TICRR: variants seen among roughly 807,000 people sequenced by gnomAD.
TICRR encodes the protein treslin.
TICRR carries 132 observed loss-of-function variants against 178.1 expected under a neutral mutation model. That is an observed-to-expected ratio of 0.74 (90% confidence interval 0.64 to 0.86). The LOEUF is 0.86. Ranked by LOEUF, TICRR falls within the 40% of genes least tolerant of loss-of-function variation. The pLI, the probability that TICRR is intolerant of heterozygous loss-of-function variation, is 0.00. For missense variants in TICRR, 2,587 were observed against 2,334.3 expected (o/e 1.11, Z -2.23); for synonymous variants, 991 against 900.7 (o/e 1.10, Z -1.79).
rs200018187 is a variant in TICRR at position 89,585,859 on chromosome 15, G to A, written c.1328G>A (p.Arg443Gln). ...CAAACAGCTGTGGCTGACAGCCCCC[G>A]GGACACAGCTTCCCTTTTCTCAGAT... is the stretch of plus-strand genomic sequence containing the variant. Reference protein sequence around the residue: ...VLQTAVADSPRDTASLFSDVV... With the variant: ...VLQTAVADSPQDTASLFSDVV... Residue 443 changes from arginine to glutamine, a missense_variant, in exon 4 of 22, where the codon CGG (arginine) becomes CAG (glutamine). Transcript: ENST00000268138. 76 of 1,614,060 alleles carry A rather than the reference G, an allele frequency of 4.7e-5. No homozygotes were observed. In the East Asian group the frequency reaches 1.1e-3, roughly 24 times the overall value.
rs143738923 is a variant in TICRR, at chr15:89,624,921, G to A, written c.4611G>A (p.Ser1537=). 146 of 1,614,034 alleles carry A rather than the reference G, an allele frequency of 9.0e-5. No homozygotes were observed. In the African/African-American group the frequency reaches 1.6e-3, roughly 18 times the overall value. The part of the protein sequence containing the change: ...CTTDGRQCQA[S]AQLDNLPASA... ...CAGATGGGAGACAGTGCCAGGCTTC[G>A]GCACAACTAGACAACCTGCCAGCAT... The change falls in exon 20 of 22, where the codon TCG becomes TCA. Residue 1537 remains serine, a synonymous_variant. Transcript: ENST00000268138.
chr15:89,597,112 CAA>C (rs779861468), intron 7 of TICRR, among the ~76,000 whole-genome samples: 17 of 152,098 alleles, frequency 1.1e-4, no homozygotes, highest in Non-Finnish European at 2.4e-4. Context: ...GTCTGTACAT[CAA>C]GTTTATTAAT....
intron 17 of TICRR, among the ~76,000 whole-genome samples, chr15:89,619,221 C>CTTCT (rs1555422132): frequency 5.4e-5 from 6 of 112,006 alleles, no homozygotes; most frequent in Admixed American, 1.0e-4. Flanking sequence ...CACCATTCTT[C>CTTCT]TTTTTTTTTT....
chr15:89,592,110 T>C lies in TICRR; in HGVS notation c.1475T>C (p.Val492Ala). 4 of 1,612,678 alleles carry C rather than the reference T, an allele frequency of 2.5e-6. No individual in the cohort carries two copies. The highest frequency in any genetic ancestry group is 1.7e-5 in the Admixed American group (1 of 60,020). ...CACACCACTCCCTGGAGTCCAGCTGTTGTGGAAAAGTGGTTTCCTTTCTGT... is the reference window on the plus strand; with the variant it reads ...CACACCACTCCCTGGAGTCCAGCTGCTGTGGAAAAGTGGTTTCCTTTCTGT... The part of the protein sequence containing the change: ...LGHTTPWSPA[V>A]VEKWFPFCNI... The change falls in exon 5 of 22, where the codon GTT (valine) becomes GCT (alanine). Residue 492 changes from valine to alanine, a missense_variant. Coordinates refer to ENST00000268138, the MANE Select transcript of TICRR (RefSeq NM_152259.4).
intron 7 of TICRR, among the ~76,000 whole-genome samples, chr15:89,598,106 A>G (rs1346864865): frequency 6.6e-6 from 1 of 150,450 alleles, no homozygotes; most frequent in East Asian, 2.0e-4. Flanking sequence ...TGCTATAATC[A>G]CTTGTTAGTT....
At chr15:89,603,015 A>G in intron 13 of TICRR, 123 bp downstream of exon 13, 1 of 435,188 alleles carries the variant, frequency 2.3e-6, no homozygotes, top group Non-Finnish European at 4.1e-6. Context: ...ATGAATGTGT[A>G]TAAAACTATA....
rs1962811770 is a variant in TICRR, at chr15:89,585,794, G to A, written c.1263G>A (p.Val421=). 6.2e-7 allele frequency: 1 copy of A among 1,614,008 alleles called. No individual in the cohort carries two copies. The highest frequency in any genetic ancestry group is 1.7e-5 in the Admixed American group (1 of 60,002). Residue 421 remains valine (V), a synonymous_variant, in exon 4 of 22, where the codon GTG becomes GTA. Coordinates refer to ENST00000268138, the MANE Select transcript of TICRR (RefSeq NM_152259.4). The part of the protein sequence containing the change: ...PLSASAMILT[V]CRTKEAEFQR... ...CTGCCAGTGCTATGATCCTCACTGT[G>A]TGCCGCACCAAGGAGGCTGAATTTC...
At chr15:89,610,568 C>A (rs115961933) in intron 15 of TICRR, among the ~76,000 whole-genome samples, 2,685 of 152,230 alleles carry the variant, frequency 0.018, 71 homozygotes, top group African/African-American at 0.057. Context: ...TGTCCTTTTA[C>A]TTTCAACCTT....
At chr15:89,576,703 C>T (rs1180144410) in intron 1 of TICRR, among the ~76,000 whole-genome samples, 2 of 151,648 alleles carry the variant, frequency 1.3e-5, no homozygotes, top group African/African-American at 4.8e-5. Context: ...GGCACTTAAC[C>T]ATTTCTCCAT....
intron 15 of TICRR, 107 bp downstream of exon 15, chr15:89,609,056 C>A: frequency 5.6e-6 from 4 of 717,130 alleles, no homozygotes; most frequent in Non-Finnish European, 5.9e-6. Flanking sequence ...CTTCTTCCCT[C>A]TTTTTTCCTT....
At chr15:89,587,800 G>A (rs1383857874) in intron 4 of TICRR, among the ~76,000 whole-genome samples, 1 of 152,174 alleles carries the variant, frequency 6.6e-6, no homozygotes, top group Non-Finnish European at 1.5e-5. Flanking sequence ...AAAACAGCAA[G>A]TGTGGACAAT....
At position 89,625,427 on chromosome 15, in the gene TICRR, G is replaced by A. The variant is rs748240391; in HGVS notation, c.5117G>A (p.Gly1706Asp). ...AGSSSGRGEV[G>D]ADLPGSLSLL... is the part of the protein sequence containing the mutation. ...TCCTCTTCCGGGAGGGGCGAGGTCG[G>A]TGCAGACCTTCCTGGGAGCCTGTCA... Residue 1706 changes from glycine to aspartate, a missense_variant, in exon 20 of 22, where the codon GGT (glycine) becomes GAT (aspartate). By Grantham distance (94) the Gly-to-Asp change is moderately conservative. Coordinates refer to ENST00000268138, the MANE Select transcript of TICRR (RefSeq NM_152259.4). The A allele has an allele frequency of 7.4e-6, 12 of 1,614,022 alleles. No homozygotes were observed. The South Asian group carries it at 1.2e-4, about 16-fold the overall frequency.
At chr15:89,618,640 TAGC>T (rs1407953011) in intron 17 of TICRR, among the ~76,000 whole-genome samples, 1 of 152,198 alleles carries the variant, frequency 6.6e-6, no homozygotes, top group African/African-American at 2.4e-5. Flanking sequence ...GCCTGGCACA[TAGC>T]AGGTGATCAG....
rs1567053693 is a variant in TICRR, at chr15:89,625,094, C to G, written c.4784C>G (p.Ser1595Cys). Reference protein sequence around the residue: ...EAEPLSKEESSLGEESFLPAL... With the variant: ...EAEPLSKEESCLGEESFLPAL... The stretch of plus-strand genomic sequence containing the variant: ...GAGCCCCTCAGCAAGGAGGAGAGCT[C>G]TCTGGGAGAAGAGAGCTTCCTCCCT... Residue 1595 changes from serine to cysteine, a missense_variant, in exon 20 of 22, where the codon TCT becomes TGT. Physicochemically the swap from Ser to Cys is moderately radical, Grantham distance 112. Coordinates refer to ENST00000268138, the MANE Select transcript of TICRR (RefSeq NM_152259.4). 1 of 1,613,926 alleles carries G rather than the reference C, an allele frequency of 6.2e-7. No homozygotes were observed. The highest frequency in any genetic ancestry group is 8.5e-7 in the Non-Finnish European group (1 of 1,179,992).
intron 15 of TICRR, among the ~76,000 whole-genome samples, chr15:89,614,441 C>T (rs1963303437): frequency 6.6e-6 from 1 of 151,996 alleles, no homozygotes; most frequent in Non-Finnish European, 1.5e-5. Flanking sequence ...TCCCACCCAC[C>T]TCAGCCTCCC....
At chr15:89,587,323 A>G (rs1962839020) in intron 4 of TICRR, among the ~76,000 whole-genome samples, 1 of 152,130 alleles carries the variant, frequency 6.6e-6, no homozygotes. Context: ...CATGGTATTG[A>G]GTAGGCATCA....
At position 89,601,532 on chromosome 15, in the gene TICRR, C is replaced by T. The variant is rs367817902; in HGVS notation, c.2291C>T (p.Ala764Val). 26 of 1,614,032 alleles carry T rather than the reference C, an allele frequency of 1.6e-5. No homozygotes were observed. The highest frequency in any genetic ancestry group is 2.2e-5 in the East Asian group (1 of 44,896). ...ATGGTGTGTTTAACTGAGGATTCAG[C>T]GTACCTAGCAGAGTTTCTGGAGGAA... ...LRMVCLTEDSAYLAEFLEEIL... is the reference protein window; with the variant it reads ...LRMVCLTEDSVYLAEFLEEIL... The change falls in exon 11 of 22, where the codon GCG (alanine) becomes GTG (valine). Residue 764 changes from alanine (A) to valine (V), a missense_variant. Transcript: ENST00000268138.
chr15:89,618,122 G>A (rs754984889), intron 16 of TICRR, 30 bp from the exon 17 acceptor site: 1 of 1,606,328 alleles, frequency 6.2e-7, no homozygotes. Flanking sequence ...AAGTGGTATG[G>A]AGTAATCCTT....
chr15:89,625,603 T>C lies in TICRR; in HGVS notation c.5293T>C (p.Trp1765Arg), dbSNP rs1261027021. 7 of 1,613,144 alleles carry C rather than the reference T, an allele frequency of 4.3e-6. No homozygotes were observed. In the South Asian group the frequency reaches 7.7e-5, roughly 18 times the overall value. Residue 1765 changes from tryptophan (W) to arginine (R), a missense_variant, in exon 20 of 22, where the codon TGG becomes CGG. By Grantham distance (101) the Trp-to-Arg change is moderately radical. Coordinates refer to ENST00000268138, the MANE Select transcript of TICRR (RefSeq NM_152259.4). ...GCCTAAGGCCGAGGAAGCCTCTTCC[T>C]GGGGACAGTTTGGGTTGAGTTCCAG... is the stretch of plus-strand genomic sequence containing the variant. ...SMPKAEEASS[W>R]GQFGLSSRKR...
Sources: allele counts gnomAD v4.1 joint callset (sites outside exome capture counted in the v4.1 genomes callset), GRCh38; gene constraint gnomAD v4.1.1; transcripts MANE v1.5; gene names NCBI Gene and HGNC (gene_info 2026-07-23, HGNC 2026-07-21).